AKT3: variants seen among roughly 807,000 people sequenced by gnomAD.
AKT3 encodes the protein AKT serine/threonine kinase 3, also known as RAC-gamma serine/threonine-protein kinase.
Under a neutral mutation model 65.3 loss-of-function variants are expected in AKT3, and 15 were observed. That is an observed-to-expected ratio of 0.23 (90% CI 0.15 to 0.35). The LOEUF (loss-of-function observed/expected upper bound fraction) is 0.35, where lower values mean the gene tolerates loss of function less well. Among genes scored for constraint, AKT3 ranks in the 10% least tolerant of loss-of-function variants. The pLI is 1.00. For missense variants in AKT3, 243 were observed against 576.5 expected (o/e 0.42, Z 5.92); for synonymous variants, 206 against 183.8 (o/e 1.12, Z -0.98).
intron 2 of AKT3, among the ~76,000 whole-genome samples, chr1:243,712,028 A>G (rs1182697088): frequency 6.6e-6 from 1 of 152,146 alleles, no homozygotes; most frequent in Non-Finnish European, 1.5e-5. Flanking sequence ...TAATATCCTG[A>G]CCACTGACAA....
intron 8 of AKT3, among the ~76,000 whole-genome samples, chr1:243,574,100 C>G (rs1044453202): frequency 2.0e-5 from 3 of 152,200 alleles, no homozygotes; most frequent in African/African-American, 4.8e-5. Context: ...ACTGCAAGAT[C>G]AGAAATTTTT....
intron 6 of AKT3, 73 bp from the exon 7 acceptor site, chr1:243,615,234 A>G (rs1005854414): frequency 8.3e-7 from 1 of 1,204,806 alleles, no homozygotes; most frequent in Admixed American, 2.0e-5. Flanking sequence ...TATTTCTCTA[A>G]AATTGGAAGA....
At chr1:243,663,382 T>C (rs940998049) in intron 4 of AKT3, among the ~76,000 whole-genome samples, 7 of 151,860 alleles carry the variant, frequency 4.6e-5, no homozygotes, top group African/African-American at 1.4e-4. Flanking sequence ...TATCAACAAA[T>C]TGAAAGCTCA....
At chr1:243,589,306 C>CAAAAAAAAAAAAAA (rs758254217) in intron 8 of AKT3, among the ~76,000 whole-genome samples, 1 of 40,870 alleles carries the variant, frequency 2.4e-5, no homozygotes, top group Non-Finnish European at 5.0e-5. Flanking sequence ...AACTCCATCT[C>CAAAAAAAAAAAAAA]AAAAAAAAAA....
chr1:243,840,712 T>TG (rs1294444536), intron 2 of AKT3, among the ~76,000 whole-genome samples: 1 of 99,704 alleles, frequency 1.0e-5, no homozygotes, highest in Non-Finnish European at 2.7e-5. Flanking sequence ...GGAGAAAAGC[T>TG]AATTTTTTTT....
intron 2 of AKT3, among the ~76,000 whole-genome samples, chr1:243,738,052 A>G (rs1189830417): frequency 6.6e-6 from 1 of 152,060 alleles, no homozygotes; most frequent in Non-Finnish European, 1.5e-5. Context: ...CAATGACTAG[A>G]CTCTTCACCA....
chr1:243,671,651 G>C (rs1683163709), intron 3 of AKT3, among the ~76,000 whole-genome samples: 1 of 152,210 alleles, frequency 6.6e-6, no homozygotes. Flanking sequence ...TCCTGGTAGA[G>C]AGCATTCCAG....
intron 13 of AKT3, among the ~76,000 whole-genome samples, chr1:243,489,755 C>G (rs891847408): frequency 1.3e-5 from 2 of 152,154 alleles, no homozygotes; most frequent in Non-Finnish European, 2.9e-5. Context: ...CCCAGACAAG[C>G]ATTACAGCTG....
intron 2 of AKT3, among the ~76,000 whole-genome samples, chr1:243,708,228 A>C (rs1376695384): frequency 1.3e-5 from 2 of 152,066 alleles, no homozygotes; most frequent in African/African-American, 4.8e-5. Context: ...TGAAGGGCAC[A>C]AACATTTTAA....
At chr1:243,823,180 CAT>C (rs150411886) in intron 2 of AKT3, among the ~76,000 whole-genome samples, 7,129 of 152,198 alleles carry the variant, frequency 0.047, 561 homozygotes, top group African/African-American at 0.16. Flanking sequence ...AACAAAACCA[CAT>C]GATTATCTCA....
At chr1:243,647,487 C>T (rs1388367326) in intron 4 of AKT3, among the ~76,000 whole-genome samples, 3 of 152,142 alleles carry the variant, frequency 2.0e-5, no homozygotes, top group Non-Finnish European at 1.5e-5. Flanking sequence ...TTTCTCAAAA[C>T]GTATCACTGT....
chr1:243,847,551 T>G (rs1695571481), intron 1 of AKT3, among the ~76,000 whole-genome samples: 1 of 152,190 alleles, frequency 6.6e-6, no homozygotes. Context: ...AAATTTCCAC[T>G]GAATTTTTAT....
downstream of AKT3, among the ~76,000 whole-genome samples, chr1:243,496,030 T>C (rs1263800751): frequency 6.6e-6 from 1 of 152,186 alleles, no homozygotes; most frequent in East Asian, 1.9e-4. Context: ...AGCTTCCCTT[T>C]AAAAGGAAGT....
rs372183120 is a variant in AKT3, at chr1:243,772,441, C to T, written c.46+70684G>A. ...GCCAAAAGACATATGAAAAAATGCT[C>T]TTCATCACTGGCCATCAGAGAACTG... On this transcript the variant is annotated intron_variant, in intron 2 of 13. Coordinates refer to ENST00000673466, the MANE Select transcript of AKT3 (RefSeq NM_005465.7). 7.9e-5 allele frequency among the ~76,000 whole-genome samples: 12 copies of T among 152,286 alleles called. No individual in the cohort carries two copies. The East Asian group carries it at 2.1e-3, about 27-fold the overall frequency.
chr1:243,514,288 G>T (rs544823313), intron 12 of AKT3, among the ~76,000 whole-genome samples: 1 of 152,114 alleles, frequency 6.6e-6, no homozygotes, highest in Non-Finnish European at 1.5e-5. Flanking sequence ...CAAGTTAGGG[G>T]AAACTTGTCC....
At chr1:243,636,062 C>T (rs1225708709) in intron 6 of AKT3, among the ~76,000 whole-genome samples, 1 of 151,752 alleles carries the variant, frequency 6.6e-6, no homozygotes, top group African/African-American at 2.4e-5. Flanking sequence ...TAGGATATTC[C>T]CCAGTCTGAT....
At chr1:243,701,417 A>G (rs1685454572) in intron 2 of AKT3, among the ~76,000 whole-genome samples, 1 of 152,206 alleles carries the variant, frequency 6.6e-6, no homozygotes, top group Non-Finnish European at 1.5e-5. Flanking sequence ...GGTTGAGAAT[A>G]CTGCAGAAAT....
chr1:243,746,547 T>C (rs1688481697), intron 2 of AKT3, among the ~76,000 whole-genome samples: 1 of 152,206 alleles, frequency 6.6e-6, no homozygotes, highest in Non-Finnish European at 1.5e-5. Context: ...CCTCACTTTA[T>C]CAATAAAGAA....
intron 4 of AKT3, among the ~76,000 whole-genome samples, chr1:243,656,466 C>A (rs751183265): frequency 3.3e-5 from 5 of 152,090 alleles, no homozygotes; most frequent in Admixed American, 2.0e-4. Flanking sequence ...TAAAATGATA[C>A]AAGTATACGC....
Sources: gnomAD v4.1 joint callset for allele counts (sites outside exome capture counted in the v4.1 genomes callset) on GRCh38, gnomAD v4.1.1 for gene constraint, MANE v1.5 for transcripts, NCBI Gene and HGNC (gene_info 2026-07-23, HGNC 2026-07-21) for gene names.